Variants in TEX36 observed in about 807,000 individuals in gnomAD.
TEX36 encodes testis-expressed protein 36.
In TEX36, 12 loss-of-function variants were observed where a neutral mutation model predicts 13.6. That is an observed-to-expected ratio of 0.88 (90% confidence interval 0.56 to 1.43). TEX36 has a LOEUF of 1.43. Ranked by LOEUF, TEX36 falls within the 40% of genes most tolerant of loss-of-function variation. TEX36 has a pLI of 0.00. For missense variants in TEX36, 224 were observed against 228.3 expected (o/e 0.98, Z 0.12); for synonymous variants, 93 against 83.0 (o/e 1.12, Z -0.65).
intron 1 of TEX36, among the ~76,000 whole-genome samples, chr10:125,670,055 T>C (rs751504921): frequency 1.3e-5 from 2 of 152,242 alleles, no homozygotes; most frequent in African/African-American, 2.4e-5. Flanking sequence ...TGCAAGAACA[T>C]ACGCATGAAT....
At chr10:125,658,240 A>G (rs1251822098) in intron 3 of TEX36, among the ~76,000 whole-genome samples, 2 of 152,174 alleles carry the variant, frequency 1.3e-5, no homozygotes, top group African/African-American at 4.8e-5. Flanking sequence ...AAGAACAAAC[A>G]TTAGCAAAAA....
chr10:125,616,204 A>C (rs1443548353), intron 3 of TEX36, among the ~76,000 whole-genome samples: 3 of 152,026 alleles, frequency 2.0e-5, no homozygotes, highest in African/African-American at 7.3e-5. Flanking sequence ...CTAGTGGTCT[A>C]TCAATTTTGT....
At chr10:125,640,643 A>T (rs1299070990) in intron 3 of TEX36, among the ~76,000 whole-genome samples, 1 of 152,146 alleles carries the variant, frequency 6.6e-6, no homozygotes, top group Non-Finnish European at 1.5e-5. Flanking sequence ...TGGCACCAGG[A>T]TTAGCGCAAT....
At chr10:125,584,969 A>C (rs1300886606) in intron 3 of TEX36, among the ~76,000 whole-genome samples, 1 of 152,234 alleles carries the variant, frequency 6.6e-6, no homozygotes, top group Non-Finnish European at 1.5e-5. Context: ...CATCATTTTA[A>C]ACAATAGCTC....
chr10:125,594,270 C>A (rs1325672785), intron 3 of TEX36, among the ~76,000 whole-genome samples: 3 of 152,078 alleles, frequency 2.0e-5, no homozygotes, highest in Non-Finnish European at 4.4e-5. Context: ...TTTAAATAAG[C>A]AAAGGTTAAA....
chr10:125,592,041 C>T (rs1414950193), intron 3 of TEX36, among the ~76,000 whole-genome samples: 2 of 152,170 alleles, frequency 1.3e-5, no homozygotes, highest in South Asian at 2.1e-4. Flanking sequence ...TATTGTTCCT[C>T]CTTGTTTGCA....
chr10:125,666,890 A>C, intron 1 of TEX36: 4 of 422,200 alleles, frequency 9.5e-6, no homozygotes, highest in African/African-American at 2.0e-5. Flanking sequence ...AGGTATGGTT[A>C]GAGATGAAGA....
At chr10:125,633,615 C>G (rs1432410247) in intron 3 of TEX36, among the ~76,000 whole-genome samples, 2 of 152,144 alleles carry the variant, frequency 1.3e-5, no homozygotes, top group Non-Finnish European at 2.9e-5. Context: ...TTTTTAGTTG[C>G]AAACACCATG....
intron 3 of TEX36, among the ~76,000 whole-genome samples, chr10:125,626,160 G>A (rs553477573): frequency 2.0e-5 from 3 of 152,244 alleles, no homozygotes; most frequent in Admixed American, 6.5e-5. Flanking sequence ...CTTTTCTGCC[G>A]CTGCCCAGTC....
intron 3 of TEX36, among the ~76,000 whole-genome samples, chr10:125,596,114 A>T (rs2133537503): frequency 6.6e-6 from 1 of 152,378 alleles, no homozygotes; most frequent in South Asian, 2.1e-4. Context: ...ATGGTTTAAC[A>T]TGAGAAATGT....
chr10:125,613,675 T>A (rs1248133267), intron 3 of TEX36, among the ~76,000 whole-genome samples: 2 of 152,058 alleles, frequency 1.3e-5, no homozygotes, highest in African/African-American at 4.8e-5. Context: ...TAATCCAGTC[T>A]ATCATTGTTG....
chr10:125,633,367 G>A (rs1336804806), intron 3 of TEX36, among the ~76,000 whole-genome samples: 3 of 152,212 alleles, frequency 2.0e-5, no homozygotes, highest in African/African-American at 7.2e-5. Flanking sequence ...TTGGGCTACA[G>A]CTGATTTGCT....
chr10:125,605,522 TC>T (rs1382768397), intron 3 of TEX36, among the ~76,000 whole-genome samples: 3 of 152,240 alleles, frequency 2.0e-5, no homozygotes, highest in Non-Finnish European at 4.4e-5. Context: ...GCTTTAGAAT[TC>T]TTTTGTTAGT....
At chr10:125,666,983 G>C in intron 1 of TEX36, 1 of 1,278,476 alleles carries the variant, frequency 7.8e-7, no homozygotes, top group Non-Finnish European at 1.1e-6. Flanking sequence ...CGGCTCACTT[G>C]ACTCCTCCTG....
intron 3 of TEX36, among the ~76,000 whole-genome samples, chr10:125,593,846 T>C (rs1359016394): frequency 2.6e-5 from 4 of 152,220 alleles, no homozygotes; most frequent in Non-Finnish European, 4.4e-5. Flanking sequence ...GCGGTGATGA[T>C]TGCACAATAA....
chr10:125,584,967 T>A (rs1403697341), intron 3 of TEX36, among the ~76,000 whole-genome samples: 1 of 152,222 alleles, frequency 6.6e-6, no homozygotes, highest in Non-Finnish European at 1.5e-5. Context: ...AACATCATTT[T>A]AAACAATAGC....
intron 1 of TEX36, among the ~76,000 whole-genome samples, chr10:125,677,087 C>T (rs116153325): frequency 0.011 from 1,662 of 152,240 alleles, 28 homozygotes; most frequent in African/African-American, 0.036. Flanking sequence ...ACGGAGTTTC[C>T]TTTATTGATG....
intron 3 of TEX36, among the ~76,000 whole-genome samples, chr10:125,585,542 C>T (rs1845935840): frequency 6.6e-6 from 1 of 152,172 alleles, no homozygotes; most frequent in Non-Finnish European, 1.5e-5. Flanking sequence ...CAAAGCTAGC[C>T]ATAAAATATG....
intron 3 of TEX36, among the ~76,000 whole-genome samples, chr10:125,639,280 C>A (rs1411318731): frequency 6.6e-6 from 1 of 152,116 alleles, no homozygotes; most frequent in Non-Finnish European, 1.5e-5. Flanking sequence ...TAATGATGAC[C>A]TTTCAAAGTA....
Sources: allele counts gnomAD v4.1 joint callset (sites outside exome capture counted in the v4.1 genomes callset), GRCh38; gene constraint gnomAD v4.1.1; transcripts MANE v1.5; gene names NCBI Gene and HGNC (gene_info 2026-07-23, HGNC 2026-07-21).